The following NIPAL2 variants were observed in gnomAD, a reference collection of about 807,000 sequenced individuals.
The protein encoded by NIPAL2 is NIPA-like protein 2.
A neutral mutation model predicts 48.9 loss-of-function variants in NIPAL2; 43 were observed. The ratio of observed to expected loss-of-function variants is 0.88; its 90% CI spans 0.69 to 1.13. The LOEUF (loss-of-function observed/expected upper bound fraction) is 1.13, where lower values mean the gene tolerates loss of function less well. Among genes scored for constraint, NIPAL2 ranks in the 50% most tolerant of loss-of-function variants. The pLI is 0.00. For synonymous variants in NIPAL2, 167 were observed against 174.6 expected (o/e 0.96, Z 0.34); for missense variants, 446 against 461.4 (o/e 0.97, Z 0.31).
intron 1 of NIPAL2, among the ~76,000 whole-genome samples, chr8:98,259,951 G>C (rs981774877): frequency 6.6e-5 from 10 of 152,194 alleles, no homozygotes; most frequent in Admixed American, 6.5e-4. Flanking sequence ...CTCATTGATG[G>C]TTGTAATTTT....
intron 1 of NIPAL2, among the ~76,000 whole-genome samples, chr8:98,291,762 A>T (rs1816499990): frequency 6.6e-6 from 1 of 152,178 alleles, no homozygotes; most frequent in African/African-American, 2.4e-5. Flanking sequence ...CAGGCTTTTC[A>T]CCAAGCACAC....
intron 4 of NIPAL2, among the ~76,000 whole-genome samples, chr8:98,228,690 G>A (rs971983673): frequency 2.1e-5 from 3 of 143,604 alleles, no homozygotes; most frequent in African/African-American, 8.0e-5. Flanking sequence ...ATGCAGGCAT[G>A]CCATGAGCCA....
At chr8:98,202,759 A>G (rs1460995978) in intron 8 of NIPAL2, among the ~76,000 whole-genome samples, 1 of 152,190 alleles carries the variant, frequency 6.6e-6, no homozygotes, top group Non-Finnish European at 1.5e-5. Context: ...GCAACACAAA[A>G]TGGACTAATC....
At chr8:98,236,076 G>A (rs759498772) in intron 4 of NIPAL2, 79 bp downstream of exon 4, 63 of 1,008,432 alleles carry the variant, frequency 6.2e-5, no homozygotes, top group Non-Finnish European at 6.5e-5. Flanking sequence ...AGTTTTTATC[G>A]CACATATTTT....
intron 1 of NIPAL2, among the ~76,000 whole-genome samples, chr8:98,290,095 G>T (rs1344398907): frequency 6.6e-6 from 1 of 152,148 alleles, no homozygotes; most frequent in Non-Finnish European, 1.5e-5. Flanking sequence ...TAAGATCTTG[G>T]GGCAAGATAT....
intron 4 of NIPAL2, among the ~76,000 whole-genome samples, chr8:98,227,790 C>T (rs1004598545): frequency 6.6e-6 from 1 of 152,210 alleles, no homozygotes; most frequent in Non-Finnish European, 1.5e-5. Context: ...CCCCTCAAGT[C>T]CACTGGTTCT....
At chr8:98,255,149 ATAATCGTG>A (rs1316776109) in intron 1 of NIPAL2, among the ~76,000 whole-genome samples, 1 of 152,274 alleles carries the variant, frequency 6.6e-6, no homozygotes, top group Non-Finnish European at 1.5e-5. Flanking sequence ...GAAAAAATAT[ATAATCGTG>A]TAACACAAGA....
At chr8:98,216,994 T>A (rs1031873443) in intron 5 of NIPAL2, 36 of 891,000 alleles carry the variant, frequency 4.0e-5, no homozygotes, top group African/African-American at 2.3e-4. Flanking sequence ...CTAACAGAGA[T>A]GATGAATTTC....
At chr8:98,246,514 C>T (rs1813314288) in intron 3 of NIPAL2, among the ~76,000 whole-genome samples, 1 of 152,128 alleles carries the variant, frequency 6.6e-6, no homozygotes, top group South Asian at 2.1e-4. Context: ...TCTTTCCATA[C>T]AAAATTTCAA....
intron 3 of NIPAL2, among the ~76,000 whole-genome samples, chr8:98,248,042 A>G (rs547309304): frequency 2.0e-5 from 3 of 152,384 alleles, no homozygotes; most frequent in South Asian, 2.1e-4. Context: ...TAGCTTGCTA[A>G]GCATTTCCTC....
At chr8:98,262,128 G>A (rs1814380814) in intron 1 of NIPAL2, among the ~76,000 whole-genome samples, 1 of 145,244 alleles carries the variant, frequency 6.9e-6, no homozygotes, top group South Asian at 2.3e-4. Context: ...CCTGAAGGAA[G>A]CGCTAAACAT....
intron 3 of NIPAL2, among the ~76,000 whole-genome samples, chr8:98,236,513 G>C (rs1812722194): frequency 6.6e-6 from 1 of 151,606 alleles, no homozygotes; most frequent in Non-Finnish European, 1.5e-5. Flanking sequence ...GAAAGAGCAG[G>C]AAGGGGCAGA....
intron 1 of NIPAL2, among the ~76,000 whole-genome samples, chr8:98,264,855 G>T: frequency 6.6e-6 from 1 of 152,034 alleles, no homozygotes; most frequent in Non-Finnish European, 1.5e-5. Context: ...AAAGCTGGAG[G>T]CATCACACTA....
chr8:98,283,516 T>C (rs1307722433), intron 1 of NIPAL2, among the ~76,000 whole-genome samples: 1 of 152,192 alleles, frequency 6.6e-6, no homozygotes, highest in Non-Finnish European at 1.5e-5. Context: ...TATGTCCAGG[T>C]CAATATAGGG....
chr8:98,281,917 C>A (rs1815850998), intron 1 of NIPAL2, among the ~76,000 whole-genome samples: 1 of 152,204 alleles, frequency 6.6e-6, no homozygotes, highest in Non-Finnish European at 1.5e-5. Flanking sequence ...GGGCTGAAAT[C>A]AAAGAGTCAG....
intron 1 of NIPAL2, among the ~76,000 whole-genome samples, chr8:98,288,052 T>C (rs935412677): frequency 1.3e-5 from 2 of 152,142 alleles, no homozygotes; most frequent in African/African-American, 4.8e-5. Context: ...ATTTTTTAAT[T>C]ATTATACTTT....
At chr8:98,264,810 C>A (rs1475428267) in intron 1 of NIPAL2, among the ~76,000 whole-genome samples, 1 of 152,164 alleles carries the variant, frequency 6.6e-6, no homozygotes, top group East Asian at 1.9e-4. Context: ...CAAAAAGGAG[C>A]CTGCATTGCC....
chr8:98,222,785 G>A (rs1475310401), intron 4 of NIPAL2, among the ~76,000 whole-genome samples, 185 bp from the exon 5 acceptor site: 1 of 152,178 alleles, frequency 6.6e-6, no homozygotes, highest in Non-Finnish European at 1.5e-5. Flanking sequence ...CCTTTACAGG[G>A]GAATAGAGCC....
intron 4 of NIPAL2, among the ~76,000 whole-genome samples, chr8:98,228,449 C>T (rs1812284846): frequency 6.6e-6 from 1 of 152,198 alleles, no homozygotes; most frequent in Non-Finnish European, 1.5e-5. Flanking sequence ...ACTGCCCCCA[C>T]AAAATTCACA....
Sources: gnomAD v4.1 joint callset for allele counts (sites outside exome capture counted in the v4.1 genomes callset) on GRCh38, gnomAD v4.1.1 for gene constraint, MANE v1.5 for transcripts, NCBI Gene and HGNC (gene_info 2026-07-23, HGNC 2026-07-21) for gene names.